The following ARHGEF9 variants were observed in gnomAD, a reference collection of about 807,000 sequenced individuals.
ARHGEF9 encodes Cdc42 guanine nucleotide exchange factor 9.
ARHGEF9 carries 2 observed loss-of-function variants against 41.3 expected under a neutral mutation model. The ratio of observed to expected loss-of-function variants is 0.05; its 90% confidence interval spans 0.02 to 0.15. The LOEUF (loss-of-function observed/expected upper bound fraction) is 0.15, where lower values mean the gene tolerates loss of function less well. ARHGEF9 is among the 10% of genes least tolerant of loss of function. The pLI is 1.00. For synonymous variants in ARHGEF9, 160 were observed against 154.4 expected (o/e 1.04, Z -0.27); for missense variants, 225 against 424.7 (o/e 0.53, Z 4.13).
At chrX:63,706,621 A>G (rs1169393232) in intron 2 of ARHGEF9, among the ~76,000 whole-genome samples, 172 bp from the exon 3 acceptor site, 1 of 111,815 alleles carries the variant, frequency 8.9e-6, no homozygotes, top group African/African-American at 3.3e-5. Flanking sequence ...TGCCCTGGGC[A>G]TGGGTTTAAT....
chrX:63,762,367 G>A (rs1448134565), intron 1 of ARHGEF9, among the ~76,000 whole-genome samples: 1 of 111,684 alleles, frequency 9.0e-6, no homozygotes, highest in Admixed American at 9.5e-5. Context: ...AAACAAGAAA[G>A]GAGGTAAGTA....
At chrX:63,659,983 A>G (rs1556339844) in intron 7 of ARHGEF9, among the ~76,000 whole-genome samples, 1 of 111,803 alleles carries the variant, frequency 8.9e-6, no homozygotes, top group Non-Finnish European at 1.9e-5. Flanking sequence ...AGCAGTTTGG[A>G]TATTTCTTAA....
chrX:63,755,026 G>A, intron 1 of ARHGEF9: 1 of 938,539 alleles, frequency 1.1e-6, no homozygotes, highest in Non-Finnish European at 1.3e-6. Context: ...TACTTCGCTC[G>A]TTTTCCTAAG....
chrX:63,659,937 C>T (rs2049114429), intron 7 of ARHGEF9, among the ~76,000 whole-genome samples: 1 of 111,644 alleles, frequency 9.0e-6, no homozygotes, highest in Non-Finnish European at 1.9e-5. Context: ...TTATACACTG[C>T]TGGTGGGAAT....
chrX:63,721,909 G>C lies in ARHGEF9; in HGVS notation c.210+2623C>G, dbSNP rs1472546511. Among the ~76,000 whole-genome samples, 3 of 111,442 alleles carry C rather than the reference G, an allele frequency of 2.7e-5. No individual in the cohort carries two copies. The East Asian group carries it at 8.5e-4, about 31-fold the overall frequency. The stretch of plus-strand genomic sequence containing the variant: ...CACACACACATATACACACACATAA[G>C]CACATACAAGTATGAAATTCTGAAC... On this transcript the variant is annotated intron_variant, in intron 2 of 9. Transcript: ENST00000671741.
At chrX:63,711,648 A>T (rs1450767460) in intron 2 of ARHGEF9, among the ~76,000 whole-genome samples, 1 of 112,303 alleles carries the variant, frequency 8.9e-6, no homozygotes, top group African/African-American at 3.2e-5. Flanking sequence ...ATACACAAAA[A>T]TTAAATCAAA....
rs782155062 is a variant in ARHGEF9, at chrX:63,638,074, G to A, written c.1526C>T (p.Ser509Leu). 4 of 1,210,856 alleles carry A rather than the reference G, an allele frequency of 3.3e-6. No homozygotes were observed. The highest frequency in any genetic ancestry group is 4.5e-6 in the Non-Finnish European group (4 of 895,224). Residue 509 changes from serine to leucine, a missense_variant, in exon 10 of 10, where the codon TCA (serine) becomes TTA (leucine). Physicochemically the swap from Ser to Leu is moderately radical, Grantham distance 145. Transcript: ENST00000671741. ...CCTGCTGAAGTTTTGCCAGAATGGT[G>A]ACTGGCTGCGCTTGGGTTCGGTGAA... ...FEFTEPKRSQ[S>L]PFWQNFSRLT...
chrX:63,675,338 G>A (rs1473589295), intron 5 of ARHGEF9, among the ~76,000 whole-genome samples: 1 of 111,454 alleles, frequency 9.0e-6, no homozygotes, highest in East Asian at 2.8e-4. Flanking sequence ...TGGAGCTTCT[G>A]CCCAAAATCA....
At chrX:63,696,046 G>A (rs868914181) in intron 4 of ARHGEF9, among the ~76,000 whole-genome samples, 1 of 110,924 alleles carries the variant, frequency 9.0e-6, no homozygotes, top group African/African-American at 3.3e-5. Context: ...ATTTTACTTC[G>A]AATCATTTTG....
At chrX:63,783,541 C>T (rs1449847000) in intron 1 of ARHGEF9, among the ~76,000 whole-genome samples, 2 of 111,809 alleles carry the variant, frequency 1.8e-5, no homozygotes, top group South Asian at 3.8e-4. Context: ...CAGGCGTGGG[C>T]GGCCGCGCCC....
chrX:63,688,267 G>A (rs2051112616), intron 4 of ARHGEF9, among the ~76,000 whole-genome samples: 1 of 111,134 alleles, frequency 9.0e-6, no homozygotes. Context: ...CTCCCATACT[G>A]TGCCCAGCAG....
At chrX:63,681,760 A>T (rs1343582348) in intron 4 of ARHGEF9, among the ~76,000 whole-genome samples, 1 of 111,569 alleles carries the variant, frequency 9.0e-6, no homozygotes, top group Non-Finnish European at 1.9e-5. Context: ...GAACAGAAAA[A>T]CTTAGGGAAA....
chrX:63,698,025 T>A (rs2051882710), intron 3 of ARHGEF9, among the ~76,000 whole-genome samples: 1 of 109,110 alleles, frequency 9.2e-6, no homozygotes, highest in African/African-American at 3.3e-5. Context: ...GGAGTGATCA[T>A]TTAGATGAGC....
At chrX:63,647,922 C>T (rs782407696) in intron 8 of ARHGEF9, among the ~76,000 whole-genome samples, 3 of 111,172 alleles carry the variant, frequency 2.7e-5, no homozygotes, top group Non-Finnish European at 5.7e-5. Flanking sequence ...TGTAAACGAA[C>T]AAAGCCTCCA....
intron 1 of ARHGEF9, among the ~76,000 whole-genome samples, chrX:63,728,513 G>T (rs1221884722): frequency 8.9e-6 from 1 of 112,564 alleles, no homozygotes; most frequent in Non-Finnish European, 1.9e-5. Context: ...AATAGGAGGT[G>T]AGGAATAGAA....
chrX:63,713,701 TACACACACACACACACACACAC>T (rs59012226), intron 2 of ARHGEF9, among the ~76,000 whole-genome samples: 1 of 94,291 alleles, frequency 1.1e-5, no homozygotes, highest in Non-Finnish European at 2.1e-5. Flanking sequence ...CCACTTCACA[TACACACACACACACACACACAC>T]ACACACACAC....
At chrX:63,759,114 T>C (rs1427384427) in intron 1 of ARHGEF9, among the ~76,000 whole-genome samples, 1 of 111,296 alleles carries the variant, frequency 9.0e-6, no homozygotes, top group Non-Finnish European at 1.9e-5. Context: ...ATTATACAGC[T>C]AATTGCTGGC....
At chrX:63,683,661 T>C (rs1450700474) in intron 4 of ARHGEF9, among the ~76,000 whole-genome samples, 4 of 111,593 alleles carry the variant, frequency 3.6e-5, no homozygotes, top group African/African-American at 1.3e-4. Context: ...TATACCAATG[T>C]AATAGAATAG....
At chrX:63,688,248 CA>C (rs1200176540) in intron 4 of ARHGEF9, among the ~76,000 whole-genome samples, 1 of 110,628 alleles carries the variant, frequency 9.0e-6, no homozygotes, top group Non-Finnish European at 1.9e-5. Flanking sequence ...ACAACAACAA[CA>C]AAAAAACCTC....
Sources: allele counts gnomAD v4.1 joint callset (sites outside exome capture counted in the v4.1 genomes callset), GRCh38; gene constraint gnomAD v4.1.1; transcripts MANE v1.5; gene names NCBI Gene and HGNC (gene_info 2026-07-23, HGNC 2026-07-21).